FOXB1: variants seen among roughly 807,000 people sequenced by gnomAD.
The protein encoded by FOXB1 is forkhead box B1.
FOXB1 carries 6 observed loss-of-function variants against 18.6 expected under a neutral mutation model. The ratio of observed to expected loss-of-function variants is 0.32; its 90% CI spans 0.18 to 0.64. The LOEUF (loss-of-function observed/expected upper bound fraction) is 0.64. Among genes scored for constraint, FOXB1 ranks in the 30% least tolerant of loss-of-function variants. The pLI is 0.78. For missense variants in FOXB1, 419 were observed against 463.6 expected, an observed-to-expected ratio of 0.90 and a Z score of 0.88; for synonymous variants, 213 against 216.0, an observed-to-expected ratio of 0.99 and a Z score of 0.12.
In FOXB1 at chr15:60,004,991, A is replaced by G; in HGVS notation, c.28A>G (p.Ser10Gly). ...GCCTCGGCCCGGCCGCAACACGTAC[A>G]GCGACCAGAAGCCGCCCTACTCGTA... MPRPGRNTY[S>G]DQKPPYSYIS... is the part of the protein sequence containing the mutation. Residue 10 changes from serine (S) to glycine (G), a missense_variant, in exon 2 of 2, where the codon AGC becomes GGC. By Grantham distance (56) the Ser-to-Gly change is moderately conservative. Transcript: ENST00000396057. The G allele has an allele frequency of 6.2e-7, 1 of 1,613,618 alleles. No individual in the cohort carries two copies. Among genetic ancestry groups the G allele is most frequent in the Non-Finnish European group, 8.5e-7 (1 of 1,179,758 alleles).
rs1197826934 is a variant in FOXB1 at position 60,005,939 on chromosome 15, T to C, written c.976T>C (p.Ter326ArgextTer98). ...ASALHSVAVH[*>R] ...CGCCTTGCACTCGGTGGCGGTGCAC[T>C]GACCCGCAGGAGCCCACGCCCCCTC... Residue 326 changes from the stop codon to arginine (R), a stop_lost, in exon 2 of 2, where the codon TGA (stop) becomes CGA (arginine). Coordinates refer to ENST00000396057, the MANE Select transcript of FOXB1 (RefSeq NM_012182.3). This position sits in a 1 kb window ranked among gnomAD's most constrained non-coding sequence, Gnocchi z 9.8. 1.7e-5 allele frequency: 27 copies of C among 1,581,184 alleles called. No individual in the cohort carries two copies. Among genetic ancestry groups the C allele is most frequent in the Non-Finnish European group, 2.3e-5 (27 of 1,169,088 alleles).
In FOXB1 at chr15:60,005,158, C is replaced by T; in HGVS notation, c.195C>T (p.Leu65=). The T allele has an allele frequency of 1.1e-5, 17 of 1,614,254 alleles. No homozygotes were observed. The highest frequency in any genetic ancestry group is 1.4e-5 in the Non-Finnish European group (17 of 1,180,048). The stretch of plus-strand genomic sequence containing the variant: ...GGCAGAACAGTCTGCGCCACAACCT[C>T]TCCTTCAACGACTGCTTCATCAAGA... ...QRWQNSLRHN[L]SFNDCFIKIP... is the part of the protein sequence containing the mutation. The change falls in exon 2 of 2, where the codon CTC becomes CTT. Residue 65 remains leucine, a synonymous_variant. Coordinates refer to ENST00000396057, the MANE Select transcript of FOXB1 (RefSeq NM_012182.3). The surrounding 1 kb of genome is among the most constrained non-coding windows in gnomAD (Gnocchi z 9.8).
chr15:60,005,706 T>C lies in FOXB1; in HGVS notation c.743T>C (p.Leu248Pro). 6.2e-7 allele frequency: 1 copy of C among 1,605,014 alleles called. No homozygotes were observed. Among genetic ancestry groups the C allele is most frequent in the Non-Finnish European group, 8.5e-7 (1 of 1,178,762 alleles). Residue 248 changes from leucine to proline, a missense_variant, in exon 2 of 2, where the codon CTG (leucine) becomes CCG (proline). By Grantham distance (98) the Leu-to-Pro change is moderately conservative. This residue lies in a region of FOXB1 where 195 missense variants were observed against 179.8 expected (regional missense o/e 1.08). Coordinates refer to ENST00000396057, the MANE Select transcript of FOXB1 (RefSeq NM_012182.3). The surrounding 1 kb of genome is among the most constrained non-coding windows in gnomAD (Gnocchi z 9.8). The stretch of plus-strand genomic sequence containing the variant: ...GCCTACGGCGTGCCGTTGAAGCCGC[T>C]GTGCCACGCGGCGGGCCAAACGCTG... Reference protein sequence around the residue: ...YSAYGVPLKPLCHAAGQTLPA... With the variant: ...YSAYGVPLKPPCHAAGQTLPA...
Position 60,006,914 on chromosome 15 carries a change from G to GGGA in FOXB1, c.*973_*974insGGA, listed in dbSNP as rs1555411592. 1.4e-3 allele frequency: 195 copies of GGGA among 136,042 alleles called. 2 individuals are homozygous for GGGA. Among genetic ancestry groups the GGGA allele is most frequent in the South Asian group, 9.3e-4 (4 of 4,314 alleles). 8.4% of individuals were successfully genotyped at this position (136,042 alleles called of 1,614,324 possible). On this transcript the variant is annotated 3_prime_UTR_variant, in exon 2 of 2. Coordinates refer to ENST00000396057, the MANE Select transcript of FOXB1 (RefSeq NM_012182.3). The stretch of plus-strand genomic sequence containing the variant: ...TTTTAGCTATTTATTTTATTGTTGG[G>GGGA]AAAAAAAAAAAAAAAAAAGAAGGAA...
At position 60,006,314 on chromosome 15, in the gene FOXB1, A is replaced by C; in HGVS notation, c.*373A>C. 1 of 273,610 alleles carries C rather than the reference A, an allele frequency of 3.7e-6. No individual in the cohort carries two copies. The highest frequency in any genetic ancestry group is 6.8e-6 in the Non-Finnish European group (1 of 146,648). The allele number at this position is 273,610 out of a possible 1,614,324, so 16.9% of individuals were successfully genotyped here. ...TCCGCCCAGATCGGCGGAGCCCCGA[A>C]CTCTGCGCAGTTTCAAGACTAGAGA... On this transcript the variant is annotated 3_prime_UTR_variant, in exon 2 of 2. Coordinates refer to ENST00000396057, the MANE Select transcript of FOXB1 (RefSeq NM_012182.3).
chr15:60,006,937 G>T lies in FOXB1; in HGVS notation c.*996G>T, dbSNP rs1403527555. 1 of 148,334 alleles carries T rather than the reference G, an allele frequency of 6.7e-6. No homozygotes were observed. The highest frequency in any genetic ancestry group is 1.5e-5 in the Non-Finnish European group (1 of 67,370). The allele number at this position is 148,334 out of a possible 1,614,324, so 9.2% of individuals were successfully genotyped here. A position where few individuals can be genotyped will look rare whatever the true frequency, so the allele number is the denominator to read the frequency against. On this transcript the variant is annotated 3_prime_UTR_variant, in exon 2 of 2. Coordinates refer to ENST00000396057, the MANE Select transcript of FOXB1 (RefSeq NM_012182.3). The stretch of plus-strand genomic sequence containing the variant: ...GGGAAAAAAAAAAAAAAAAAAGAAG[G>T]AAAGAAAATGAAATAAGCCCAAACC...
intron 1 of FOXB1, 90 bp from the exon 2 acceptor site, chr15:60,004,815 CGA>C: frequency 4.6e-6 from 1 of 217,470 alleles, no homozygotes; most frequent in Non-Finnish European, 9.1e-6. Flanking sequence ...GCCCCACCCC[CGA>C]CCCCCGAAGT....
chr15:60,004,806 C>T (rs1413872912), intron 1 of FOXB1, 101 bp from the exon 2 acceptor site: 1 of 212,688 alleles, frequency 4.7e-6, no homozygotes, highest in Non-Finnish European at 9.2e-6. Flanking sequence ...GCGCCGCAGG[C>T]CCCACCCCCG....
rs1201679337 is a variant in FOXB1, at chr15:60,005,709, G to C, written c.746G>C (p.Cys249Ser). 1.9e-6 allele frequency: 3 copies of C among 1,604,230 alleles called. No homozygotes were observed. In the Admixed American group the frequency reaches 5.0e-5, roughly 27 times the overall value. The stretch of plus-strand genomic sequence containing the variant: ...TACGGCGTGCCGTTGAAGCCGCTGT[G>C]CCACGCGGCGGGCCAAACGCTGCCC... ...SAYGVPLKPL[C>S]HAAGQTLPAI... The change falls in exon 2 of 2, where the codon TGC becomes TCC. Residue 249 changes from cysteine to serine, a missense_variant. Cys to Ser is a moderately radical substitution (Grantham distance 112). Transcript: ENST00000396057. The surrounding 1 kb of genome is among the most constrained non-coding windows in gnomAD (Gnocchi z 9.8).
Position 60,006,375 on chromosome 15 carries a change from C to T in FOXB1, c.*434C>T. 1 of 177,880 alleles carries T rather than the reference C, an allele frequency of 5.6e-6. No individual in the cohort carries two copies. Among genetic ancestry groups the T allele is most frequent in the Non-Finnish European group, 1.2e-5 (1 of 86,112 alleles). The allele number at this position is 177,880 out of a possible 1,614,324, so 11.0% of individuals were successfully genotyped here. The stretch of plus-strand genomic sequence containing the variant: ...GATGTTTCCAGGAACAGATCCCCCC[C>T]ACACCCCCTCCCCGCGAGGGCTGCA... On this transcript the variant is annotated 3_prime_UTR_variant, in exon 2 of 2. Transcript: ENST00000396057.
chr15:60,005,839 C>G lies in FOXB1; in HGVS notation c.876C>G (p.Ser292Arg). 6.2e-7 allele frequency: 1 copy of G among 1,603,874 alleles called. No homozygotes were observed. The highest frequency in any genetic ancestry group is 8.5e-7 in the Non-Finnish European group (1 of 1,176,302). Residue 292 changes from serine (S) to arginine (R), a missense_variant, in exon 2 of 2, where the codon AGC becomes AGG. By Grantham distance (110) the Ser-to-Arg change is moderately radical (BLOSUM62 -1). Around this residue, in one of 3 missense-constraint regions of FOXB1, gnomAD observed 195 missense variants for 179.8 expected, o/e 1.08. Transcript: ENST00000396057. The surrounding 1 kb of genome is among the most constrained non-coding windows in gnomAD (Gnocchi z 9.8). ...TCTCGAACTCGCCGCCCTCGCTCAG[C>G]CCCACGTCCTCGCAAACAGCCACCA... is the stretch of plus-strand genomic sequence containing the variant. ...TLLSNSPPSL[S>R]PTSSQTATSQ...
chr15:60,005,969 TCTC>T lies in FOXB1; in HGVS notation c.*33_*35del, dbSNP rs1359471653. The T allele has an allele frequency of 6.5e-7, 1 of 1,546,424 alleles. No homozygotes were observed. The highest frequency in any genetic ancestry group is 1.2e-5 in the South Asian group (1 of 84,106). On this transcript the variant is annotated 3_prime_UTR_variant, in exon 2 of 2. Transcript: ENST00000396057. The surrounding 1 kb of genome is among the most constrained non-coding windows in gnomAD (Gnocchi z 9.8). ...CGCAGGAGCCCACGCCCCCTCTCGT[TCTC>T]CTCCCCACCACCTCACTCGCCTTCC...
Position 60,005,584 on chromosome 15 carries a change from G to A in FOXB1, c.621G>A (p.Met207Ile), listed in dbSNP as rs757780227. The A allele has an allele frequency of 5.0e-6, 8 of 1,608,452 alleles. No individual in the cohort carries two copies. The highest frequency in any genetic ancestry group is 1.3e-5 in the African/African-American group (1 of 74,878). The part of the protein sequence containing the change: ...AYPLPNQLTT[M>I]GSSLGTGWPH... ...CGCTCCCCAACCAGTTGACTACCAT[G>A]GGCAGCTCGCTGGGCACCGGCTGGC... is the stretch of plus-strand genomic sequence containing the variant. The change falls in exon 2 of 2, where the codon ATG (methionine) becomes ATA (isoleucine). Residue 207 changes from methionine to isoleucine, a missense_variant. Met to Ile is a conservative substitution (Grantham distance 10). Transcript: ENST00000396057. This position sits in a 1 kb window ranked among gnomAD's most constrained non-coding sequence, Gnocchi z 9.8.
Position 60,005,269 on chromosome 15 carries a change from C to A in FOXB1, c.306C>A (p.Phe102Leu). The change falls in exon 2 of 2, where the codon TTC becomes TTA. Residue 102 changes from phenylalanine to leucine, a missense_variant. Physicochemically the swap from Phe to Leu is conservative, Grantham distance 22. Coordinates refer to ENST00000396057, the MANE Select transcript of FOXB1 (RefSeq NM_012182.3). The surrounding 1 kb of genome is among the most constrained non-coding windows in gnomAD (Gnocchi z 9.8). ...GGGACATGTTCGAGAACGGCAGCTTCCTGCGGCGCCGCAAGCGCTTCAAGG... is the reference window on the plus strand; with the variant it reads ...GGGACATGTTCGAGAACGGCAGCTTACTGCGGCGCCGCAAGCGCTTCAAGG... ...SCGDMFENGS[F>L]LRRRKRFKVL... The A allele has an allele frequency of 6.2e-7, 1 of 1,613,828 alleles. No individual in the cohort carries two copies. Among genetic ancestry groups the A allele is most frequent in the Non-Finnish European group, 8.5e-7 (1 of 1,179,968 alleles).
chr15:60,004,821 C>T (rs1247529581), intron 1 of FOXB1, 86 bp from the exon 2 acceptor site: 1 of 244,286 alleles, frequency 4.1e-6, no homozygotes. Context: ...CCCCCGACCC[C>T]CGAAGTCTGT....
Position 60,005,029 on chromosome 15 carries a change from C to A in FOXB1, c.66C>A (p.Thr22=). The A allele has an allele frequency of 6.2e-7, 1 of 1,614,128 alleles. No individual in the cohort carries two copies. The highest frequency in any genetic ancestry group is 8.5e-7 in the Non-Finnish European group (1 of 1,180,016). The change falls in exon 2 of 2, where the codon ACC becomes ACA. Residue 22 remains threonine (T), a synonymous_variant. Coordinates refer to ENST00000396057, the MANE Select transcript of FOXB1 (RefSeq NM_012182.3). The surrounding 1 kb of genome is among the most constrained non-coding windows in gnomAD (Gnocchi z 9.8). ...QKPPYSYISL[T]AMAIQSSPEK... ...CGCCCTACTCGTACATCTCGCTGACCGCTATGGCCATCCAGAGCTCTCCCG... is the reference window on the plus strand; with the variant it reads ...CGCCCTACTCGTACATCTCGCTGACAGCTATGGCCATCCAGAGCTCTCCCG...
Position 60,004,962 on chromosome 15 carries a change from A to G in FOXB1, c.-2A>G, listed in dbSNP as rs766790563. 1 of 1,608,738 alleles carries G rather than the reference A, an allele frequency of 6.2e-7. No homozygotes were observed. The highest frequency in any genetic ancestry group is 1.7e-5 in the Admixed American group (1 of 59,626). ...CAGAGCAAGAAGAGGGCGAGGAAGA[A>G]GATGCCTCGGCCCGGCCGCAACACG... is the stretch of plus-strand genomic sequence containing the variant. On this transcript the variant is annotated 5_prime_UTR_variant, in exon 2 of 2. Coordinates refer to ENST00000396057, the MANE Select transcript of FOXB1 (RefSeq NM_012182.3).
At position 60,006,826 on chromosome 15, in the gene FOXB1, A is replaced by T. The variant is rs1366015028; in HGVS notation, c.*885A>T. 1.3e-5 allele frequency: 2 copies of T among 151,936 alleles called. No homozygotes were observed. The highest frequency in any genetic ancestry group is 4.8e-5 in the African/African-American group (2 of 41,368). The allele number at this position is 151,936 out of a possible 1,614,324, so 9.4% of individuals were successfully genotyped here. A position where few individuals can be genotyped will look rare whatever the true frequency, so the allele number is the denominator to read the frequency against. On this transcript the variant is annotated 3_prime_UTR_variant, in exon 2 of 2. Coordinates refer to ENST00000396057, the MANE Select transcript of FOXB1 (RefSeq NM_012182.3). Reference sequence around the variant, plus strand: ...TCTTCATTTCTGGCCAGGTTTAGAAAGGGAGGGAAGTGGGGATGGGAAAGT... The same window carrying T: ...TCTTCATTTCTGGCCAGGTTTAGAATGGGAGGGAAGTGGGGATGGGAAAGT...
chr15:60,006,049 C>A lies in FOXB1; in HGVS notation c.*108C>A, dbSNP rs1374212775. ...CCTGGGACCGCCACCCTAACTTGTTCATTTCACCTTCGGCCAACCCGCCTT... is the reference window on the plus strand; with the variant it reads ...CCTGGGACCGCCACCCTAACTTGTTAATTTCACCTTCGGCCAACCCGCCTT... On this transcript the variant is annotated 3_prime_UTR_variant, in exon 2 of 2. Transcript: ENST00000396057. 3.0e-6 allele frequency: 4 copies of A among 1,336,808 alleles called. No individual in the cohort carries two copies. Among genetic ancestry groups the A allele is most frequent in the South Asian group, 3.0e-5 (2 of 66,056 alleles). The allele number at this position is 1,336,808 out of a possible 1,614,324, so 82.8% of individuals were successfully genotyped here.
Sources: gnomAD v4.1 joint callset for allele counts on GRCh38, gnomAD v4.1.1 for gene constraint, gnomAD v4.1.1 regional missense constraint, Gnocchi (gnomAD v3.1) non-coding constraint, MANE v1.5 for transcripts, NCBI Gene and HGNC (gene_info 2026-07-23, HGNC 2026-07-21) for gene names.